PEBP4: variants seen among roughly 807,000 people sequenced by gnomAD.
PEBP4 encodes the protein phosphatidylethanolamine binding protein 4, also known as phosphatidylethanolamine-binding protein 4.
Under a neutral mutation model 23.9 loss-of-function variants are expected in PEBP4, and 22 were observed. That is an observed-to-expected ratio of 0.92 (90% CI 0.66 to 1.31). The LOEUF (loss-of-function observed/expected upper bound fraction) is 1.31, where lower values mean the gene tolerates loss of function less well. Among genes scored for constraint, PEBP4 ranks in the 40% most tolerant of loss-of-function variants. The probability of loss-of-function intolerance (pLI) is 0.00; values close to 1 mark genes in which losing one functional copy is unlikely to be tolerated. For missense variants in PEBP4, 324 were observed against 281.7 expected (o/e 1.15, Z -1.07); for synonymous variants, 112 against 99.3 (o/e 1.13, Z -0.76).
At chr8:22,868,227 C>T (rs923285531) in intron 3 of PEBP4, among the ~76,000 whole-genome samples, 4 of 152,272 alleles carry the variant, frequency 2.6e-5, no homozygotes, top group African/African-American at 9.6e-5. Context: ...AAAACACCCC[C>T]CTGGTTTTCT....
intron 3 of PEBP4, among the ~76,000 whole-genome samples, chr8:22,827,242 G>A (rs1806989298): frequency 6.6e-6 from 1 of 152,144 alleles, no homozygotes; most frequent in South Asian, 2.1e-4. Flanking sequence ...TGGAGGTATA[G>A]TTTACATATA....
intron 3 of PEBP4, among the ~76,000 whole-genome samples, chr8:22,846,589 G>A (rs1807442003): frequency 6.6e-6 from 1 of 152,138 alleles, no homozygotes; most frequent in African/African-American, 2.4e-5. Context: ...GAGAAGGCCA[G>A]GGTGACAGGG....
At chr8:22,778,580 C>T (rs1439342855) in intron 4 of PEBP4, among the ~76,000 whole-genome samples, 2 of 152,186 alleles carry the variant, frequency 1.3e-5, no homozygotes, top group South Asian at 2.1e-4. Context: ...TTCCTGCCTT[C>T]CTGTTGTCCC....
At chr8:22,816,629 T>C (rs770315677) in intron 4 of PEBP4, among the ~76,000 whole-genome samples, 3 of 152,196 alleles carry the variant, frequency 2.0e-5, no homozygotes, top group East Asian at 1.9e-4. Context: ...CAGAGCAAGA[T>C]GAAATGCCCA....
chr8:22,715,715 C>T (rs1211423081), intron 6 of PEBP4, among the ~76,000 whole-genome samples: 2 of 152,202 alleles, frequency 1.3e-5, no homozygotes, highest in Admixed American at 1.3e-4. Flanking sequence ...TCTCGGGCTC[C>T]CTGGCCAGCT....
intron 3 of PEBP4, among the ~76,000 whole-genome samples, chr8:22,878,574 G>A (rs771273469): frequency 2.7e-4 from 41 of 152,188 alleles, no homozygotes; most frequent in Admixed American, 2.0e-4. Context: ...CAGGTGGGGA[G>A]GGCTTCCCTC....
chr8:22,732,857 C>G (rs1053779664), intron 4 of PEBP4, among the ~76,000 whole-genome samples: 1 of 152,196 alleles, frequency 6.6e-6, no homozygotes, highest in Non-Finnish European at 1.5e-5. Flanking sequence ...CTCTCTCCCA[C>G]CTCAGATCCC....
intron 4 of PEBP4, among the ~76,000 whole-genome samples, chr8:22,738,255 C>T (rs1367251145): frequency 6.6e-6 from 1 of 152,240 alleles, no homozygotes; most frequent in Non-Finnish European, 1.5e-5. Context: ...CTTCCTCTTT[C>T]CCTCCATCCC....
intron 3 of PEBP4, among the ~76,000 whole-genome samples, chr8:22,912,808 G>T (rs1353024404): frequency 3.3e-5 from 5 of 152,218 alleles, no homozygotes; most frequent in African/African-American, 7.2e-5. Flanking sequence ...GTGGGACACA[G>T]CTGAGTGATG....
At chr8:22,797,408 C>A (rs537286703) in intron 4 of PEBP4, among the ~76,000 whole-genome samples, 1 of 151,510 alleles carries the variant, frequency 6.6e-6, no homozygotes, top group Non-Finnish European at 1.5e-5. Context: ...GGGAGGACAC[C>A]GAGGCCCAAA....
At chr8:22,891,929 C>T (rs757409106) in intron 3 of PEBP4, among the ~76,000 whole-genome samples, 2 of 152,126 alleles carry the variant, frequency 1.3e-5, no homozygotes, top group Non-Finnish European at 2.9e-5. Context: ...AAAAATTAGT[C>T]GGGTATGGTG....
In PEBP4 at chr8:22,713,502, G is replaced by GA; in HGVS notation, c.551dup (p.His185ProfsTer6). ...TGCTTGCTTCAGGTTCGCCCAGGTG[G>GA]AAACGGTTCAGAAATCTGTCCATTT... is the stretch of plus-strand genomic sequence containing the variant. On this transcript the variant is annotated frameshift_variant, in exon 7 of 7. Transcript: ENST00000256404. LOFTEE classifies it low-confidence loss of function (END_TRUNC). 6.2e-7 allele frequency: 1 copy of GA among 1,614,174 alleles called. No homozygotes were observed.
chr8:22,813,265 A>T (rs1302376931), intron 4 of PEBP4, among the ~76,000 whole-genome samples: 5 of 152,248 alleles, frequency 3.3e-5, no homozygotes, highest in Admixed American at 1.3e-4. Context: ...AAAGGGAACC[A>T]TGAACTTGCC....
At chr8:22,847,183 A>G (rs550376479) in intron 3 of PEBP4, among the ~76,000 whole-genome samples, 1 of 147,220 alleles carries the variant, frequency 6.8e-6, no homozygotes, top group Non-Finnish European at 1.5e-5. Flanking sequence ...GAAAGGAAGT[A>G]GAGGAATGTC....
chr8:22,851,090 T>A (rs1204621261), intron 3 of PEBP4, among the ~76,000 whole-genome samples: 2 of 152,210 alleles, frequency 1.3e-5, no homozygotes, highest in African/African-American at 4.8e-5. Flanking sequence ...GCGGGGGACC[T>A]GGAAAGGCAG....
chr8:22,721,211 C>T (rs1436962737), intron 6 of PEBP4, among the ~76,000 whole-genome samples: 2 of 152,134 alleles, frequency 1.3e-5, no homozygotes, highest in African/African-American at 2.4e-5. Context: ...CAGGACATTC[C>T]GGGAAGCTGG....
chr8:22,733,244 T>C, intron 4 of PEBP4, among the ~76,000 whole-genome samples: 1 of 152,140 alleles, frequency 6.6e-6, no homozygotes, highest in South Asian at 2.1e-4. Context: ...TATGAGACGC[T>C]CGGCACACAG....
intron 2 of PEBP4, chr8:22,925,213 A>G: frequency 3.0e-6 from 3 of 985,460 alleles, no homozygotes; most frequent in Non-Finnish European, 3.6e-6. Context: ...CTTGAAATCA[A>G]AAGACATCTT....
intron 4 of PEBP4, among the ~76,000 whole-genome samples, chr8:22,768,193 C>T (rs1336281518): frequency 1.3e-5 from 2 of 152,146 alleles, no homozygotes; most frequent in East Asian, 3.9e-4. Context: ...ACTGGGGTCC[C>T]TAGCAGGCTG....
Sources: gnomAD v4.1 joint callset for allele counts (sites outside exome capture counted in the v4.1 genomes callset) on GRCh38, gnomAD v4.1.1 for gene constraint, MANE v1.5 for transcripts, NCBI Gene and HGNC (gene_info 2026-07-23, HGNC 2026-07-21) for gene names.